The following FAM184B variants were observed in gnomAD, a reference collection of about 807,000 sequenced individuals.
FAM184B encodes protein FAM184B.
Under a neutral mutation model 135.9 loss-of-function variants are expected in FAM184B, and 111 were observed. The observed-to-expected ratio is 0.82, with a 90% CI of 0.70 to 0.96. FAM184B has a LOEUF of 0.96. FAM184B is among the 40% of genes least tolerant of loss of function. The probability of loss-of-function intolerance (pLI) is 0.00; values close to 1 mark genes in which losing one functional copy is unlikely to be tolerated. For synonymous variants in FAM184B, 552 were observed against 524.8 expected, an observed-to-expected ratio of 1.05 and a Z score of -0.71; for missense variants, 1,375 against 1,323.9, an observed-to-expected ratio of 1.04 and a Z score of -0.60.
chr4:17,778,983 A>G (rs145606590), intron 1 of FAM184B, among the ~76,000 whole-genome samples: 4 of 152,340 alleles, frequency 2.6e-5, no homozygotes, highest in East Asian at 3.9e-4. Flanking sequence ...TTACATACTA[A>G]CTTTGTTAGC....
chr4:17,773,804 C>CG (rs1187456102), intron 1 of FAM184B, among the ~76,000 whole-genome samples: 1 of 152,034 alleles, frequency 6.6e-6, no homozygotes, highest in Non-Finnish European at 1.5e-5. Flanking sequence ...CTTGAACTCC[C>CG]GACCTCAGGT....
chr4:17,693,300 A>G lies in FAM184B; in HGVS notation c.1488+2T>C, dbSNP rs1301771298. The stretch of plus-strand genomic sequence containing the variant: ...CAAGGCTTGCATTTGGTCAGGGCTC[A>G]CCTCAAGCAGAGAATTCTGAAGCTT... On this transcript the variant is annotated splice_donor_variant, in intron 6 of 17. Coordinates refer to ENST00000265018, the MANE Select transcript of FAM184B (RefSeq NM_015688.2). LOFTEE classifies it high-confidence loss of function. 2 of 1,549,552 alleles carry G rather than the reference A, an allele frequency of 1.3e-6. No individual in the cohort carries two copies. The highest frequency in any genetic ancestry group is 1.2e-5 in the South Asian group (1 of 83,986).
chr4:17,637,305 G>A lies in FAM184B; in HGVS notation c.2667-660C>T, dbSNP rs537412746. Among the ~76,000 whole-genome samples the A allele has an allele frequency of 3.9e-5, 6 of 152,354 alleles. No homozygotes were observed. In the South Asian group the frequency reaches 1.2e-3, roughly 32 times the overall value. On this transcript the variant is annotated intron_variant, in intron 14 of 17. Transcript: ENST00000265018. ...GCCTCCCAAAGTGCTGGGATTACAG[G>A]CGTGGGCCACCGCGCCCGGCCCCCA...
Position 17,642,034 on chromosome 4 carries a change from C to T in FAM184B, c.2519+22G>A, listed in dbSNP as rs976353414. The T allele has an allele frequency of 1.1e-5, 16 of 1,512,562 alleles. No individual in the cohort carries two copies. In the Admixed American group the frequency reaches 1.8e-4, roughly 17 times the overall value. 93.7% of individuals were successfully genotyped at this position (1,512,562 alleles called of 1,614,324 possible). A position where few individuals can be genotyped will look rare whatever the true frequency, so the allele number is the denominator to read the frequency against. ...GTAGGGGGTGAGGGTGGCGCGGTGG[C>T]GGGGCGCGCCGGGTCACCCACCTGC... On this transcript the variant is annotated intron_variant, in intron 13 of 17. Transcript: ENST00000265018.
chr4:17,765,726 G>A (rs1306980901), intron 1 of FAM184B, among the ~76,000 whole-genome samples: 1 of 152,136 alleles, frequency 6.6e-6, no homozygotes, highest in Non-Finnish European at 1.5e-5. Flanking sequence ...GGAAATGGTG[G>A]GTTCTTGGTC....
chr4:17,730,742 A>G (rs1323032983), intron 1 of FAM184B, among the ~76,000 whole-genome samples: 1 of 152,248 alleles, frequency 6.6e-6, no homozygotes, highest in East Asian at 1.9e-4. Flanking sequence ...ATGTGGAATG[A>G]CTTTGACGAG....
intron 10 of FAM184B, 92 bp downstream of exon 10, chr4:17,658,258 G>T: frequency 1.8e-6 from 2 of 1,084,742 alleles, no homozygotes; most frequent in Non-Finnish European, 2.7e-6. Flanking sequence ...TCGGGGGATT[G>T]GATGTCATGT....
At chr4:17,634,562 G>T (rs967251827) in intron 16 of FAM184B, among the ~76,000 whole-genome samples, 1 of 152,128 alleles carries the variant, frequency 6.6e-6, no homozygotes, top group African/African-American at 2.4e-5. Flanking sequence ...GACCTCAAGT[G>T]ATCCACCCAC....
chr4:17,767,169 G>C (rs1002652654), intron 1 of FAM184B, among the ~76,000 whole-genome samples: 1 of 152,196 alleles, frequency 6.6e-6, no homozygotes, highest in Non-Finnish European at 1.5e-5. Flanking sequence ...GGCAGCCCAG[G>C]TTCCCGCCCG....
At chr4:17,705,351 A>G in intron 4 of FAM184B, 145 bp from the exon 5 acceptor site, 3 of 685,034 alleles carry the variant, frequency 4.4e-6, no homozygotes, top group Middle Eastern at 7.9e-4. Context: ...TTACAAGACT[A>G]TATATTTGAT....
intron 6 of FAM184B, among the ~76,000 whole-genome samples, chr4:17,691,455 A>G (rs10939751): frequency 0.6 from 90,240 of 151,236 alleles, 27,458 homozygotes; most frequent in East Asian, 0.87. Context: ...GGAGGCAGAG[A>G]TGGGTGGATC....
rs1235062517 is a variant in FAM184B, at chr4:17,707,732, C to A, written c.947G>T (p.Gly316Val). The change falls in exon 3 of 18, where the codon GGC becomes GTC. Residue 316 changes from glycine (G) to valine (V), a missense_variant. By Grantham distance (109) the Gly-to-Val change is moderately radical. Coordinates refer to ENST00000265018, the MANE Select transcript of FAM184B (RefSeq NM_015688.2). Reference protein sequence around the residue: ...EARQENSELKGTAKKLGEKLA... With the variant: ...EARQENSELKVTAKKLGEKLA... The stretch of plus-strand genomic sequence containing the variant: ...CTTCTCCCCAAGTTTTTTTGCAGTG[C>A]CTTTCAACTCTGAATTCTCCTGTCG... 6.4e-7 allele frequency: 1 copy of A among 1,551,874 alleles called. No individual in the cohort carries two copies. The highest frequency in any genetic ancestry group is 1.2e-5 in the South Asian group (1 of 84,066).
At position 17,660,011 on chromosome 4, in the gene FAM184B, T is replaced by G. The variant is rs1411800772; in HGVS notation, c.1771A>C (p.Ile591Leu). 3.9e-6 allele frequency: 6 copies of G among 1,551,586 alleles called. No homozygotes were observed. Among genetic ancestry groups the G allele is most frequent in the African/African-American group, 1.4e-5 (1 of 73,162 alleles). ...TGCCAGTCCTCCTCTAGACGCTGGA[T>G]TTTGGATGTTTTCTCCTTCAACAAA... ...GSLLKEKTSK[I>L]QRLEEDWQSQ... Residue 591 changes from isoleucine (I) to leucine (L), a missense_variant, in exon 9 of 18, where the codon ATC becomes CTC. Physicochemically the swap from Ile to Leu is conservative, Grantham distance 5 (BLOSUM62 2). Transcript: ENST00000265018.
At chr4:17,659,082 T>C (rs1028789805) in intron 9 of FAM184B, among the ~76,000 whole-genome samples, 1 of 152,022 alleles carries the variant, frequency 6.6e-6, no homozygotes, top group African/African-American at 2.4e-5. Context: ...ATTGCTAAAA[T>C]ATACATATCA....
chr4:17,702,248 T>C (rs1223557565), intron 5 of FAM184B, among the ~76,000 whole-genome samples: 1 of 152,208 alleles, frequency 6.6e-6, no homozygotes, highest in Non-Finnish European at 1.5e-5. Flanking sequence ...CCAAGAATCC[T>C]AAGTGATACA....
intron 14 of FAM184B, 58 bp downstream of exon 14, chr4:17,639,192 C>T: frequency 4.0e-6 from 6 of 1,501,722 alleles, no homozygotes; most frequent in Non-Finnish European, 5.4e-6. Flanking sequence ...GGTGAGTTGG[C>T]CACCCTACTG....
chr4:17,780,314 A>G lies in FAM184B; in HGVS notation c.141+845T>C, dbSNP rs542553345. On this transcript the variant is annotated intron_variant, in intron 1 of 17. Transcript: ENST00000265018. ...CTGGCGGGCATGGCACCAGGAGTTTATTATGAGACCGAAAGGAAACCCCAA... is the reference window on the plus strand; with the variant it reads ...CTGGCGGGCATGGCACCAGGAGTTTGTTATGAGACCGAAAGGAAACCCCAA... 3.9e-5 allele frequency among the ~76,000 whole-genome samples: 6 copies of G among 152,318 alleles called. No homozygotes were observed. The East Asian group carries it at 1.2e-3, about 29-fold the overall frequency.
intron 1 of FAM184B, among the ~76,000 whole-genome samples, chr4:17,749,034 A>G (rs886766745): frequency 1.4e-5 from 2 of 139,792 alleles, no homozygotes; most frequent in South Asian, 2.3e-4. Context: ...GGGGCTCGCT[A>G]TGTTGTCCTG....
chr4:17,637,996 TCA>T (rs532105973), intron 14 of FAM184B, among the ~76,000 whole-genome samples: 227 of 18,826 alleles, frequency 0.012, no homozygotes, highest in African/African-American at 0.021. Flanking sequence ...ACCCTCCCTC[TCA>T]CTGATGCCTC....
Sources: allele counts gnomAD v4.1 joint callset (sites outside exome capture counted in the v4.1 genomes callset), GRCh38; gene constraint gnomAD v4.1.1; transcripts MANE v1.5; gene names NCBI Gene and HGNC (gene_info 2026-07-23, HGNC 2026-07-21).